The following ULK4 variants were observed in gnomAD, a reference collection of about 807,000 sequenced individuals.
ULK4 encodes the protein unc-51 like kinase 4, also known as inactive serine/threonine-protein kinase ULK4.
Under a neutral mutation model 160.6 loss-of-function variants are expected in ULK4, and 133 were observed. The ratio of observed to expected loss-of-function variants is 0.83; its 90% confidence interval spans 0.72 to 0.96. ULK4 has a LOEUF of 0.96. Among genes scored for constraint, ULK4 ranks in the 40% least tolerant of loss-of-function variants. The pLI is 0.00. For synonymous variants in ULK4, 534 were observed against 539.8 expected, an observed-to-expected ratio of 0.99 and a Z score of 0.15; for missense variants, 1,580 against 1,499.5, an observed-to-expected ratio of 1.05 and a Z score of -0.89.
At position 41,767,927 on chromosome 3, in the gene ULK4, A is replaced by G. The variant is rs77500458; in HGVS notation, c.2194-13439T>C. On this transcript the variant is annotated intron_variant, in intron 21 of 36. Transcript: ENST00000301831. ...ACACTGTTTATTGCAGGAGTCCCCA[A>G]CCCCCAGGCCACAGACCAGTACTGG... Among the ~76,000 whole-genome samples the G allele has an allele frequency of 2.5e-3, 377 of 152,230 alleles. 1 individual carries two copies. Among genetic ancestry groups the G allele is most frequent in the African/African-American group, 8.0e-3 (331 of 41,550 alleles).
At chr3:41,307,559 C>T (rs561998501) in intron 35 of ULK4, among the ~76,000 whole-genome samples, 32 of 152,194 alleles carry the variant, frequency 2.1e-4, no homozygotes, top group African/African-American at 7.7e-4. Context: ...TGGGTGTAAT[C>T]GCTCACACCT....
At chr3:41,646,492 C>G (rs1459350656) in intron 30 of ULK4, among the ~76,000 whole-genome samples, 1 of 152,336 alleles carries the variant, frequency 6.6e-6, no homozygotes, top group African/African-American at 2.4e-5. Flanking sequence ...GTTGAAAATT[C>G]TTTTCTTTAA....
At chr3:41,332,513 G>T (rs1011578903) in intron 35 of ULK4, among the ~76,000 whole-genome samples, 1 of 152,202 alleles carries the variant, frequency 6.6e-6, no homozygotes, top group Non-Finnish European at 1.5e-5. Context: ...AGTCTGTACT[G>T]CTTTGCTTGG....
At chr3:41,580,238 C>A (rs1026118136) in intron 31 of ULK4, among the ~76,000 whole-genome samples, 1 of 152,078 alleles carries the variant, frequency 6.6e-6, no homozygotes. Flanking sequence ...GGGTGCTGGT[C>A]TTTAGGAGAC....
At chr3:41,629,741 G>T (rs755252851) in intron 30 of ULK4, among the ~76,000 whole-genome samples, 1 of 152,126 alleles carries the variant, frequency 6.6e-6, no homozygotes, top group Non-Finnish European at 1.5e-5. Context: ...TATAATCCCA[G>T]CTCTGTGGGA....
At chr3:41,450,913 C>G (rs992409277) in intron 34 of ULK4, among the ~76,000 whole-genome samples, 4 of 152,298 alleles carry the variant, frequency 2.6e-5, no homozygotes, top group African/African-American at 7.2e-5. Context: ...CTACACACAT[C>G]ATGCATACAT....
chr3:41,694,822 G>A (rs1348817228), intron 27 of ULK4, among the ~76,000 whole-genome samples: 1 of 151,934 alleles, frequency 6.6e-6, no homozygotes, highest in African/African-American at 2.4e-5. Context: ...TTTCAAATAT[G>A]TTTTATCTGC....
intron 32 of ULK4, among the ~76,000 whole-genome samples, chr3:41,525,897 C>G (rs1318540639): frequency 6.6e-6 from 1 of 152,176 alleles, no homozygotes; most frequent in African/African-American, 2.4e-5. Context: ...ATCACTGTTT[C>G]ATTTCCTGTC....
chr3:41,424,680 G>GA (rs1253528929), intron 34 of ULK4, among the ~76,000 whole-genome samples: 2 of 152,074 alleles, frequency 1.3e-5, no homozygotes, highest in African/African-American at 4.8e-5. Context: ...GCAGCCCTAT[G>GA]GAAGAGGGGC....
chr3:41,844,892 C>G lies in ULK4; in HGVS notation c.1657-8921G>C, dbSNP rs114328696. On this transcript the variant is annotated intron_variant, in intron 17 of 36. Transcript: ENST00000301831. The stretch of plus-strand genomic sequence containing the variant: ...ATCCAAGAGAAAGGAAGGCTGTTGT[C>G]CACACAAACATCTGTAAATGGATGT... 6.5e-3 allele frequency among the ~76,000 whole-genome samples: 994 copies of G among 151,906 alleles called. 9 individuals carry two copies. The highest frequency in any genetic ancestry group is 0.023 in the African/African-American group (960 of 41,442).
At chr3:41,268,485 G>C (rs2079082371) in intron 35 of ULK4, among the ~76,000 whole-genome samples, 1 of 152,174 alleles carries the variant, frequency 6.6e-6, no homozygotes, top group African/African-American at 2.4e-5. Context: ...GCCCAAGGCA[G>C]AGAGGTTCTG....
At chr3:41,378,056 G>A (rs1017715956) in intron 35 of ULK4, among the ~76,000 whole-genome samples, 4 of 151,746 alleles carry the variant, frequency 2.6e-5, no homozygotes, top group African/African-American at 9.7e-5. Flanking sequence ...AAAAAAGGAT[G>A]AGTTCATGTC....
chr3:41,490,790 G>C (rs1184735482), intron 32 of ULK4, among the ~76,000 whole-genome samples: 2 of 152,192 alleles, frequency 1.3e-5, no homozygotes, highest in Non-Finnish European at 2.9e-5. Flanking sequence ...CAATCAACAA[G>C]TAAATTAACT....
chr3:41,720,220 C>T (rs1266384747), intron 22 of ULK4, among the ~76,000 whole-genome samples: 4 of 152,162 alleles, frequency 2.6e-5, no homozygotes, highest in Non-Finnish European at 4.4e-5. Context: ...CCACACCCTT[C>T]CACTTCTGCG....
chr3:41,795,620 C>T (rs1463712958), intron 20 of ULK4, among the ~76,000 whole-genome samples: 1 of 152,102 alleles, frequency 6.6e-6, no homozygotes. Flanking sequence ...TTAATATTAC[C>T]TTAAAGCGGT....
At chr3:41,928,221 G>C (rs1699451793) in intron 5 of ULK4, among the ~76,000 whole-genome samples, 1 of 152,156 alleles carries the variant, frequency 6.6e-6, no homozygotes, top group Non-Finnish European at 1.5e-5. Context: ...CAACTACATG[G>C]AAACTGAACA....
chr3:41,678,381 G>T (rs533495739), intron 29 of ULK4, among the ~76,000 whole-genome samples: 23 of 152,194 alleles, frequency 1.5e-4, no homozygotes, highest in African/African-American at 5.5e-4. Context: ...TTCTTCCTGA[G>T]AATTTTTCCA....
At chr3:41,633,794 CTAAAATGACTCCAGG>C (rs1559447178) in intron 30 of ULK4, among the ~76,000 whole-genome samples, 1 of 152,056 alleles carries the variant, frequency 6.6e-6, no homozygotes, top group African/African-American at 2.4e-5. Flanking sequence ...GAGAAGAGAT[CTAAAATGACTCCAGG>C]TACTTGATTT....
At chr3:41,456,612 G>T (rs2083560511) in intron 33 of ULK4, among the ~76,000 whole-genome samples, 1 of 152,158 alleles carries the variant, frequency 6.6e-6, no homozygotes. Flanking sequence ...AATTCCAAAG[G>T]AGATTTCTAT....
Sources: allele counts gnomAD v4.1 joint callset (sites outside exome capture counted in the v4.1 genomes callset), GRCh38; gene constraint gnomAD v4.1.1; transcripts MANE v1.5; gene names NCBI Gene and HGNC (gene_info 2026-07-23, HGNC 2026-07-21).